The following SEPTIN8 variants were observed in gnomAD, a reference collection of about 807,000 sequenced individuals.
SEPTIN8 encodes the protein septin 8.
A neutral mutation model predicts 53.1 loss-of-function variants in SEPTIN8; 22 were observed. That is an observed-to-expected ratio of 0.41 (90% CI 0.30 to 0.59). The LOEUF (loss-of-function observed/expected upper bound fraction) is 0.59, where lower values mean the gene tolerates loss of function less well. SEPTIN8 is among the 20% of genes least tolerant of loss of function. The pLI, the probability that SEPTIN8 is intolerant of heterozygous loss-of-function variation, is 0.24. For synonymous variants in SEPTIN8, 228 were observed against 248.4 expected, an observed-to-expected ratio of 0.92 and a Z score of 0.77; for missense variants, 536 against 638.7, an observed-to-expected ratio of 0.84 and a Z score of 1.73.
At chr5:132,777,366 G>A (rs1193391617), upstream of SEPTIN8, 4 of 1,035,116 alleles carry the variant, frequency 3.9e-6, no homozygotes, top group African/African-American at 1.7e-5. The surrounding 1 kb of genome is among the most constrained non-coding windows in gnomAD (Gnocchi z 4.1). Context: ...CGCAGCCGGA[G>A]CCCCGCCGCT....
At chr5:132,757,935 T>G in intron 9 of SEPTIN8, 1 of 986,018 alleles carries the variant, frequency 1.0e-6, no homozygotes, top group Non-Finnish European at 1.2e-6. Context: ...GAGTACTCTT[T>G]ACATTTGGAA....
At chr5:132,762,804 C>T (rs1756132789) in intron 4 of SEPTIN8, among the ~76,000 whole-genome samples, 159 bp from the exon 5 acceptor site, 1 of 152,202 alleles carries the variant, frequency 6.6e-6, no homozygotes, top group South Asian at 2.1e-4. Context: ...AGCCATAGTG[C>T]AAACCCAGCC....
At chr5:132,764,512 A>G in intron 2 of SEPTIN8, 93 bp from the exon 3 acceptor site, 1 of 1,029,892 alleles carries the variant, frequency 9.7e-7, no homozygotes. Flanking sequence ...GGGCTCAGGC[A>G]TCCATGGCCC....
rs1755903759 is a variant in SEPTIN8, at chr5:132,761,196, C to A, written c.1032G>T (p.Met344Ile). The A allele has an allele frequency of 2.5e-6, 4 of 1,614,082 alleles. No homozygotes were observed. Among genetic ancestry groups the A allele is most frequent in the Admixed American group, 3.3e-5 (2 of 60,000 alleles). ...TCACTTTGTTGACAAACATCTGCCT[C>A]ATCTCTTCCTCCTTCCTCTGCAGCT... Reference protein sequence around the residue: ...LSELQRKEEEMRQMFVNKVKE... With the variant: ...LSELQRKEEEIRQMFVNKVKE... Residue 344 changes from methionine to isoleucine, a missense_variant, in exon 8 of 10, where the codon ATG (methionine) becomes ATT (isoleucine). By Grantham distance (10) the Met-to-Ile change is conservative (BLOSUM62 1). Transcript: ENST00000378719. This position sits in a 1 kb window ranked among gnomAD's most constrained non-coding sequence, Gnocchi z 5.8.
At chr5:132,756,217 A>G in intron 9 of SEPTIN8, 1 of 985,410 alleles carries the variant, frequency 1.0e-6, no homozygotes, top group Non-Finnish European at 1.2e-6. Context: ...ACACAAACAT[A>G]TGCAGTCAGT....
chr5:132,764,556 A>T (rs1756385280), intron 2 of SEPTIN8, 137 bp from the exon 3 acceptor site: 1 of 641,846 alleles, frequency 1.6e-6, no homozygotes, highest in Non-Finnish European at 2.7e-6. Context: ...CGCCCACCCC[A>T]TCCCTCATCA....
intron 1 of SEPTIN8, among the ~76,000 whole-genome samples, chr5:132,770,089 G>GTATATATA (rs201065841): frequency 3.4e-5 from 1 of 29,174 alleles, no homozygotes; most frequent in Non-Finnish European, 5.1e-5. Flanking sequence ...ATGTATATAT[G>GTATATATA]TATATATATA....
intron 4 of SEPTIN8, among the ~76,000 whole-genome samples, chr5:132,762,899 A>G (rs1340856167): frequency 6.6e-6 from 1 of 152,188 alleles, no homozygotes; most frequent in Non-Finnish European, 1.5e-5. Flanking sequence ...TCCAGCCCCA[A>G]AACTGGTCCC....
intron 9 of SEPTIN8, chr5:132,758,186 T>C: frequency 1.8e-6 from 2 of 1,119,232 alleles, no homozygotes; most frequent in African/African-American, 1.6e-5. Context: ...CTGTATATGA[T>C]AGGCATACTT....
intron 4 of SEPTIN8, among the ~76,000 whole-genome samples, chr5:132,763,092 T>C (rs920267829): frequency 6.6e-6 from 1 of 152,156 alleles, no homozygotes; most frequent in Non-Finnish European, 1.5e-5. Context: ...ACAATAAAAA[T>C]GAACTCCTGA....
intron 3 of SEPTIN8, 111 bp from the exon 4 acceptor site, chr5:132,764,003 G>A (rs1246644532): frequency 3.4e-6 from 4 of 1,182,858 alleles, no homozygotes; most frequent in Non-Finnish European, 4.7e-6. Context: ...TTTTCTTTCT[G>A]GGAACAGCTT....
At chr5:132,767,620 A>G (rs1756736455) in intron 1 of SEPTIN8, among the ~76,000 whole-genome samples, 1 of 152,094 alleles carries the variant, frequency 6.6e-6, no homozygotes, top group Non-Finnish European at 1.5e-5. Flanking sequence ...CATGCTGGAC[A>G]ATGCTACCAT....
Position 132,751,591 on chromosome 5 carries a change from A to G in SEPTIN8, c.*425T>C. ...TTACTAAAGACTGTTTCATTACGAA[A>G]ACTGGCCACCGTTGCCAAGTTGCAG... is the stretch of plus-strand genomic sequence containing the variant. On this transcript the variant is annotated 3_prime_UTR_variant, in exon 10 of 10. Coordinates refer to ENST00000378719, the MANE Select transcript of SEPTIN8 (RefSeq NM_001098811.2). 1 of 293,408 alleles carries G rather than the reference A, an allele frequency of 3.4e-6. No individual in the cohort carries two copies. The highest frequency in any genetic ancestry group is 6.3e-6 in the Non-Finnish European group (1 of 158,278). 18.2% of individuals were successfully genotyped at this position (293,408 alleles called of 1,614,324 possible). A position where few individuals can be genotyped will look rare whatever the true frequency, so the allele number is the denominator to read the frequency against.
chr5:132,771,238 G>A (rs1371037340), intron 1 of SEPTIN8, among the ~76,000 whole-genome samples: 3 of 152,154 alleles, frequency 2.0e-5, no homozygotes, highest in African/African-American at 4.8e-5. Context: ...ACAAAAACAG[G>A]TTTTTATCCA....
chr5:132,763,560 A>G (rs528944716), intron 4 of SEPTIN8, 146 bp downstream of exon 4: 10 of 701,326 alleles, frequency 1.4e-5, no homozygotes, highest in Admixed American at 4.6e-5. Flanking sequence ...GACGCAAGAC[A>G]GAGAGAGGAC....
At position 132,770,008 on chromosome 5, in the gene SEPTIN8, T is replaced by TATAC. The variant is rs1554115482; in HGVS notation, c.31-4480_31-4479insGTAT. 3.4e-3 allele frequency among the ~76,000 whole-genome samples: 180 copies of TATAC among 52,218 alleles called. 2 individuals are homozygous for TATAC. Among genetic ancestry groups the TATAC allele is most frequent in the East Asian group, 6.6e-3 (13 of 1,958 alleles). The allele number at this position is 52,218 out of a possible 152,430, so 34.3% of individuals were successfully genotyped here. A position where few individuals can be genotyped will look rare whatever the true frequency, so the allele number is the denominator to read the frequency against. On this transcript the variant is annotated intron_variant, in intron 1 of 9. Transcript: ENST00000378719. ...ATATATATATATATATATATATATA[T>TATAC]ATATATATATATATACACACACATA...
intron 9 of SEPTIN8, chr5:132,758,095 A>G (rs1190035107): frequency 6.0e-6 from 6 of 1,005,294 alleles, no homozygotes; most frequent in East Asian, 1.0e-4. Flanking sequence ...AACGCTGGAC[A>G]TGGTCTTGTT....
rs1261809069 is a variant in SEPTIN8, at chr5:132,773,180, T to G, written c.30+3928A>C. Among the ~76,000 whole-genome samples, 1 of 152,176 alleles carries G rather than the reference T, an allele frequency of 6.6e-6. No homozygotes were observed. Among genetic ancestry groups the G allele is most frequent in the Non-Finnish European group, 1.5e-5 (1 of 68,036 alleles). On this transcript the variant is annotated intron_variant, in intron 1 of 9. Transcript: ENST00000378719. This position sits in a 1 kb window ranked among gnomAD's most constrained non-coding sequence, Gnocchi z 4.2. ...GCTCTACCACAAGGGCATGGAGACC[T>G]TGGGAGGGCGTCTCCTCCCCAGGCA...
rs746983736 is a variant in SEPTIN8 at position 132,764,217 on chromosome 5, C to G, written c.347+7G>C. 1 of 1,607,558 alleles carries G rather than the reference C, an allele frequency of 6.2e-7. No homozygotes were observed. The highest frequency in any genetic ancestry group is 8.5e-7 in the Non-Finnish European group (1 of 1,176,058). Reference sequence around the variant, plus strand: ...GGCTGGGTGGGGCCGCCCTTCCCGCCTCTTGCCTCTCATCCTTATTGATCT... The same window carrying G: ...GGCTGGGTGGGGCCGCCCTTCCCGCGTCTTGCCTCTCATCCTTATTGATCT... On this transcript the variant is annotated splice_region_variant and intron_variant, in intron 3 of 9. Coordinates refer to ENST00000378719, the MANE Select transcript of SEPTIN8 (RefSeq NM_001098811.2).
Sources: gnomAD v4.1 joint callset for allele counts (sites outside exome capture counted in the v4.1 genomes callset) on GRCh38, gnomAD v4.1.1 for gene constraint, Gnocchi (gnomAD v3.1) non-coding constraint, MANE v1.5 for transcripts, NCBI Gene and HGNC (gene_info 2026-07-23, HGNC 2026-07-21) for gene names.